TANC1: variants seen among roughly 807,000 people sequenced by gnomAD.
TANC1 encodes protein TANC1.
Under a neutral mutation model 149.7 loss-of-function variants are expected in TANC1, and 77 were observed. That is an observed-to-expected ratio of 0.51 (90% CI 0.43 to 0.62). TANC1 has a LOEUF of 0.62. Among genes scored for constraint, TANC1 ranks in the 20% least tolerant of loss-of-function variants. The probability of loss-of-function intolerance (pLI) is 0.00; values close to 1 mark genes in which losing one functional copy is unlikely to be tolerated. For synonymous variants in TANC1, 854 were observed against 925.0 expected (o/e 0.92, Z 1.39); for missense variants, 1,985 against 2,321.8 (o/e 0.85, Z 2.98).
At position 159,194,841 on chromosome 2, in the gene TANC1, CTTCTT is replaced by C. The variant is rs2057733740; in HGVS notation, c.2979+349_2979+353del. Among the ~76,000 whole-genome samples the C allele has an allele frequency of 2.0e-5, 3 of 152,274 alleles. No individual in the cohort carries two copies. The South Asian group carries it at 6.2e-4, about 32-fold the overall frequency. ...TTAAATGTTTGCTTTTTTCCCCTCT[CTTCTT>C]CTTATCCCATTTTATGTCCTTTTAA... On this transcript the variant is annotated intron_variant, in intron 17 of 26. Transcript: ENST00000263635.
At chr2:159,192,639 TTTTTTG>T (rs954756567) in intron 16 of TANC1, among the ~76,000 whole-genome samples, 2 of 152,068 alleles carry the variant, frequency 1.3e-5, no homozygotes, top group Non-Finnish European at 2.9e-5. Context: ...TGTTTAGGTT[TTTTTTG>T]TTTTTGTTTT....
At chr2:159,028,014 TC>T (rs2149464482) in intron 2 of TANC1, among the ~76,000 whole-genome samples, 1 of 152,290 alleles carries the variant, frequency 6.6e-6, no homozygotes, top group Non-Finnish European at 1.5e-5. Context: ...CCTCATCTCA[TC>T]CTTATTTCCT....
intron 1 of TANC1, among the ~76,000 whole-genome samples, chr2:158,986,427 CTT>C (rs1213143914): frequency 1.3e-5 from 2 of 152,160 alleles, no homozygotes; most frequent in African/African-American, 2.4e-5. Flanking sequence ...TGTGGAAACT[CTT>C]TTAAGCTAAT....
At chr2:159,148,668 C>G (rs538343985) in intron 5 of TANC1, 1 of 152,410 alleles carries the variant, frequency 6.6e-6, no homozygotes, top group Non-Finnish European at 1.5e-5. Flanking sequence ...TTTTCCACGT[C>G]GTTCCCCTGG....
chr2:159,186,069 G>A (rs1275937467), intron 15 of TANC1, among the ~76,000 whole-genome samples, 170 bp downstream of exon 15: 1 of 152,202 alleles, frequency 6.6e-6, no homozygotes, highest in African/African-American at 2.4e-5. Context: ...TTCTGACTCA[G>A]CCTGGGCATT....
chr2:159,095,775 C>T (rs1249424066), intron 3 of TANC1, among the ~76,000 whole-genome samples: 1 of 150,226 alleles, frequency 6.7e-6, no homozygotes, highest in Non-Finnish European at 1.5e-5. Context: ...TGTACCTGTC[C>T]TATATGTCTC....
At chr2:159,093,729 G>A (rs1438044230) in intron 3 of TANC1, among the ~76,000 whole-genome samples, 2 of 152,052 alleles carry the variant, frequency 1.3e-5, no homozygotes, top group African/African-American at 2.4e-5. Context: ...ACTTGAAATG[G>A]AAACCCCCCT....
intron 3 of TANC1, among the ~76,000 whole-genome samples, chr2:159,090,480 A>G (rs2045408677): frequency 1.3e-5 from 2 of 152,168 alleles, no homozygotes. Flanking sequence ...TTTCCCAACC[A>G]GTTAAAACAG....
chr2:159,056,598 A>T (rs2041877409), intron 2 of TANC1: 2 of 158,456 alleles, frequency 1.3e-5, no homozygotes, highest in Non-Finnish European at 2.8e-5. Context: ...TAGAGGCGTG[A>T]GCCACTGCGC....
At chr2:159,146,523 G>T (rs1056897420) in intron 5 of TANC1, among the ~76,000 whole-genome samples, 3 of 149,020 alleles carry the variant, frequency 2.0e-5, no homozygotes, top group African/African-American at 7.4e-5. Context: ...CATGAATTTG[G>T]GTGTCCCTTT....
At chr2:158,973,379 T>G (rs1000397047) in intron 1 of TANC1, among the ~76,000 whole-genome samples, 5 of 152,038 alleles carry the variant, frequency 3.3e-5, no homozygotes, top group Non-Finnish European at 7.4e-5. Context: ...AGTAGGGAAG[T>G]CTCTCAGAAG....
intron 2 of TANC1, among the ~76,000 whole-genome samples, chr2:159,065,081 G>T (rs984118123): frequency 2.6e-5 from 4 of 152,228 alleles, no homozygotes; most frequent in African/African-American, 9.6e-5. Context: ...AGTGGGGAGA[G>T]AGAGCTTAAA....
intron 1 of TANC1, among the ~76,000 whole-genome samples, chr2:159,000,051 GC>G (rs981724251): frequency 1.3e-5 from 2 of 152,174 alleles, no homozygotes; most frequent in Admixed American, 6.5e-5. Flanking sequence ...AGGATTACAG[GC>G]AAGGGCCTCC....
intron 2 of TANC1, among the ~76,000 whole-genome samples, chr2:159,053,173 C>T (rs567688420): frequency 6.6e-6 from 1 of 151,066 alleles, no homozygotes; most frequent in Admixed American, 6.6e-5. Flanking sequence ...TGTTTTCTAG[C>T]ATGCCTTGTC....
chr2:159,096,306 T>TTC (rs2046131299), intron 3 of TANC1, among the ~76,000 whole-genome samples: 1 of 151,694 alleles, frequency 6.6e-6, no homozygotes, highest in African/African-American at 2.4e-5. Context: ...TTTTTTTTTT[T>TTC]TTTTTGGGAG....
chr2:159,121,247 G>A (rs1376403788), intron 4 of TANC1, among the ~76,000 whole-genome samples: 3 of 152,192 alleles, frequency 2.0e-5, no homozygotes. Flanking sequence ...CCTCTCATTG[G>A]CTCTGTGGAC....
chr2:159,036,066 GTC>G (rs1247070762), intron 2 of TANC1, among the ~76,000 whole-genome samples: 4 of 152,200 alleles, frequency 2.6e-5, no homozygotes, highest in Non-Finnish European at 5.9e-5. Context: ...CAGATGAGGA[GTC>G]TCCCTTTTCT....
chr2:159,022,206 C>A (rs75094334), intron 2 of TANC1, among the ~76,000 whole-genome samples: 5,496 of 152,150 alleles, frequency 0.036, 252 homozygotes, highest in East Asian at 0.16. Context: ...GAGGAGTGGC[C>A]AGAATGCCAC....
chr2:159,127,456 C>G (rs762007130), intron 4 of TANC1, among the ~76,000 whole-genome samples: 6 of 152,198 alleles, frequency 3.9e-5, no homozygotes, highest in Non-Finnish European at 8.8e-5. Context: ...AATCCCATTA[C>G]GAGGTATATA....
Sources: gnomAD v4.1 joint callset for allele counts (sites outside exome capture counted in the v4.1 genomes callset) on GRCh38, gnomAD v4.1.1 for gene constraint, MANE v1.5 for transcripts, NCBI Gene and HGNC (gene_info 2026-07-23, HGNC 2026-07-21) for gene names.